Variants in ZNF219 observed in about 807,000 individuals in gnomAD.
ZNF219 encodes zinc finger protein 219.
Under a neutral mutation model 54.4 loss-of-function variants are expected in ZNF219, and 17 were observed. The ratio of observed to expected loss-of-function variants is 0.31; its 90% CI spans 0.21 to 0.47. ZNF219 has a LOEUF of 0.47. ZNF219 is among the 20% of genes least tolerant of loss of function. ZNF219 has a pLI of 1.00. For synonymous variants in ZNF219, 518 were observed against 476.4 expected, an observed-to-expected ratio of 1.09 and a Z score of -1.14; for missense variants, 1,014 against 1,062.3, an observed-to-expected ratio of 0.95 and a Z score of 0.63.
At chr14:21,099,628 T>G (rs1215250765), upstream of ZNF219, among the ~76,000 whole-genome samples, 1 of 152,218 alleles carries the variant, frequency 6.6e-6, no homozygotes, top group Non-Finnish European at 1.5e-5. Context: ...TGGCGCAGTC[T>G]CCTCTTATCG....
rs1398398420 is a variant in ZNF219, at chr14:21,090,986, G to A, written c.1719C>T (p.Ala573=). ...GAGACGGCTTGGCTCCAGATTGCGG[G>A]GCCGAACCCCGCTGGGAAGGAGGCG... is the stretch of plus-strand genomic sequence containing the variant. ...EPPPPSQRGS[A]PQSGAKPSPQ... The change falls in exon 5 of 5, where the codon GCC becomes GCT. Residue 573 remains alanine, a synonymous_variant. Transcript: ENST00000360947. The surrounding 1 kb of genome is among the most constrained non-coding windows in gnomAD (Gnocchi z 4.4). 4 of 1,549,816 alleles carry A rather than the reference G, an allele frequency of 2.6e-6. No homozygotes were observed. Among genetic ancestry groups the A allele is most frequent in the Non-Finnish European group, 3.5e-6 (4 of 1,154,554 alleles).
In ZNF219 at chr14:21,098,352, GCGGCGGCGGCGGGCGGCGGGC is replaced by G; in HGVS notation, c.-145_-125del. On this transcript the variant is annotated 5_prime_UTR_variant, in exon 1 of 5. Coordinates refer to ENST00000360947, the MANE Select transcript of ZNF219 (RefSeq NM_016423.3). ...GGCGGCGGAGCGGGCGGCGGCGGCG[GCGGCGGCGGCGGGCGGCGGGC>G]CGGCGGCGCGGGCGTCAGCGTTACG... The G allele has an allele frequency of 3.0e-6, 1 of 338,296 alleles. No individual in the cohort carries two copies. Among genetic ancestry groups the G allele is most frequent in the Non-Finnish European group, 4.1e-6 (1 of 242,532 alleles). 21.0% of individuals were successfully genotyped at this position (338,296 alleles called of 1,614,324 possible).
upstream of ZNF219, chr14:21,103,771 GC>G (rs1889801661): frequency 1.3e-5 from 2 of 155,230 alleles, no homozygotes; most frequent in Admixed American, 1.3e-4. Context: ...GGAAGTCGGG[GC>G]CTAGCCTGGC....
rs777561916 is a variant in ZNF219, at chr14:21,093,270, C to T, written c.27G>A (p.Pro9=). ...GCGGCGACGGCGCTAAGTGGCCGCT[C>T]GGGGCGCGGGGACGTGAGCCCTGTG... The part of the protein sequence containing the change: MEGSRPRA[P]SGHLAPSPPA... Residue 9 remains proline (P), a synonymous_variant, in exon 3 of 5, where the codon CCG becomes CCA. Transcript: ENST00000360947. 5.0e-6 allele frequency: 8 copies of T among 1,588,720 alleles called. No homozygotes were observed. The highest frequency in any genetic ancestry group is 3.5e-5 in the Admixed American group (2 of 57,624).
chr14:21,093,446 G>C (rs1182370754), intron 2 of ZNF219, 140 bp downstream of exon 2: 2 of 1,417,548 alleles, frequency 1.4e-6, no homozygotes, highest in Non-Finnish European at 1.9e-6. Flanking sequence ...AGATGGGGTG[G>C]GGGGAGGTGT....
At position 21,090,357 on chromosome 14, in the gene ZNF219, G is replaced by C. The variant is rs950387456; in HGVS notation, c.*179C>G. 8 of 810,460 alleles carry C rather than the reference G, an allele frequency of 9.9e-6. No individual in the cohort carries two copies. The Admixed American group carries it at 1.8e-4, about 18-fold the overall frequency. The allele number at this position is 810,460 out of a possible 1,614,324, so 50.2% of individuals were successfully genotyped here. A position where few individuals can be genotyped will look rare whatever the true frequency, so the allele number is the denominator to read the frequency against. On this transcript the variant is annotated 3_prime_UTR_variant, in exon 5 of 5. Coordinates refer to ENST00000360947, the MANE Select transcript of ZNF219 (RefSeq NM_016423.3). This position sits in a 1 kb window ranked among gnomAD's most constrained non-coding sequence, Gnocchi z 4.4. Reference sequence around the variant, plus strand: ...CTTCTAAGGCACTGTGACTCCCTTGGGCTGGGTGGGTACCGCCAGCCCACC... The same window carrying C: ...CTTCTAAGGCACTGTGACTCCCTTGCGCTGGGTGGGTACCGCCAGCCCACC...
chr14:21,093,281 G>A lies in ZNF219; in HGVS notation c.16C>T (p.Pro6Ser), dbSNP rs1012734158. The A allele has an allele frequency of 6.3e-7, 1 of 1,582,960 alleles. No individual in the cohort carries two copies. Among genetic ancestry groups the A allele is most frequent in the Non-Finnish European group, 8.5e-7 (1 of 1,172,244 alleles). Reference sequence around the variant, plus strand: ...GCTAAGTGGCCGCTCGGGGCGCGGGGACGTGAGCCCTGTGGAGAAAGATCT... The same window carrying A: ...GCTAAGTGGCCGCTCGGGGCGCGGGAACGTGAGCCCTGTGGAGAAAGATCT... MEGSRPRAPSGHLAPS... is the reference protein window; with the variant it reads MEGSRSRAPSGHLAPS... The change falls in exon 3 of 5, where the codon CCC (proline) becomes TCC (serine). Residue 6 changes from proline (P) to serine (S), a missense_variant. Physicochemically the swap from Pro to Ser is moderately conservative, Grantham distance 74 (BLOSUM62 -1). This residue lies in a region of ZNF219 where 395 missense variants were observed against 415.1 expected (regional missense o/e 0.95). Coordinates refer to ENST00000360947, the MANE Select transcript of ZNF219 (RefSeq NM_016423.3).
Position 21,092,619 on chromosome 14 carries a change from A to G in ZNF219, c.678T>C (p.Pro226=). ...ERPLAATSAA[P]PPQPQPQPPP... is the part of the protein sequence containing the mutation. ...GAGGCTGAGGCTGAGGCTGAGGCGG[A>G]GGCGCAGCGGAGGTGGCCGCCAGGG... The change falls in exon 3 of 5, where the codon CCT becomes CCC. Residue 226 remains proline (P), a synonymous_variant. Transcript: ENST00000360947. The G allele has an allele frequency of 6.4e-7, 1 of 1,554,282 alleles. No individual in the cohort carries two copies.
At chr14:21,098,063 GC>G (rs1208569399) in intron 1 of ZNF219, among the ~76,000 whole-genome samples, 13 of 147,684 alleles carry the variant, frequency 8.8e-5, no homozygotes, top group South Asian at 4.3e-4. Flanking sequence ...CTTCCACCTG[GC>G]CCCCCCTCCC....
chr14:21,091,024 G>A lies in ZNF219; in HGVS notation c.1681C>T (p.Pro561Ser), dbSNP rs1248652933. 1.3e-6 allele frequency: 2 copies of A among 1,553,776 alleles called. No homozygotes were observed. Among genetic ancestry groups the A allele is most frequent in the Non-Finnish European group, 1.7e-6 (2 of 1,156,230 alleles). The change falls in exon 5 of 5, where the codon CCC (proline) becomes TCC (serine). Residue 561 changes from proline (P) to serine (S), a missense_variant. Pro to Ser is a moderately conservative substitution (Grantham distance 74). Transcript: ENST00000360947. The stretch of plus-strand genomic sequence containing the variant: ...TGGGAAGGAGGCGGTGGCTCCGGGG[G>A]TGGCCCGGGGCCGGCCCCGCTCCTC... Reference protein sequence around the residue: ...EQRSGAGPGPPPEPPPPSQRG... With the variant: ...EQRSGAGPGPSPEPPPPSQRG...
upstream of ZNF219, chr14:21,098,938 G>A: frequency 2.0e-6 from 2 of 1,018,992 alleles, no homozygotes; most frequent in Non-Finnish European, 2.6e-6. Flanking sequence ...AGGAGGAGGG[G>A]CGATTATAGA....
upstream of ZNF219, chr14:21,103,349 C>T: frequency 6.8e-7 from 1 of 1,469,672 alleles, no homozygotes; most frequent in East Asian, 2.5e-5. Flanking sequence ...TCCGGGAGTG[C>T]CTTCAGTTTT....
At position 21,092,542 on chromosome 14, in the gene ZNF219, G is replaced by A; in HGVS notation, c.755C>T (p.Pro252Leu). The change falls in exon 3 of 5, where the codon CCC (proline) becomes CTC (leucine). Residue 252 changes from proline (P) to leucine (L), a missense_variant. Physicochemically the swap from Pro to Leu is moderately conservative, Grantham distance 98. Around this residue, in one of 5 missense-constraint regions of ZNF219, gnomAD observed 395 missense variants for 415.1 expected, o/e 0.95. Coordinates refer to ENST00000360947, the MANE Select transcript of ZNF219 (RefSeq NM_016423.3). ...SVPQPEPEPE[P>L]EREATPTPAP... ...TGGGGTCGGGGTTGCCTCACGTTCGGGCTCCGGCTCCGGCTCCGGCTGGGG... is the reference window on the plus strand; with the variant it reads ...TGGGGTCGGGGTTGCCTCACGTTCGAGCTCCGGCTCCGGCTCCGGCTGGGG... 6.5e-7 allele frequency: 1 copy of A among 1,545,616 alleles called. No individual in the cohort carries two copies. Among genetic ancestry groups the A allele is most frequent in the Non-Finnish European group, 8.7e-7 (1 of 1,144,890 alleles).
chr14:21,102,861 G>A (rs1029872481), upstream of ZNF219: 6 of 1,495,330 alleles, frequency 4.0e-6, no homozygotes, highest in East Asian at 1.5e-4. Flanking sequence ...GGCACTTAAG[G>A]GAAAATAATG....
upstream of ZNF219, chr14:21,098,827 T>C: frequency 7.8e-7 from 1 of 1,288,266 alleles, no homozygotes; most frequent in African/African-American, 1.5e-5. Flanking sequence ...AGGAGTTGGC[T>C]CTGCCGCTCT....
upstream of ZNF219, chr14:21,101,084 C>A: frequency 2.9e-6 from 1 of 346,964 alleles, no homozygotes; most frequent in South Asian, 3.0e-5. Context: ...CAGCCTTCCT[C>A]TGCCAGGACA....
In ZNF219 at chr14:21,092,025, C is replaced by T. The variant is rs1365819319; in HGVS notation, c.1272G>A (p.Glu424=). 5.8e-6 allele frequency: 9 copies of T among 1,551,740 alleles called. No homozygotes were observed. Among genetic ancestry groups the T allele is most frequent in the Non-Finnish European group, 7.8e-6 (9 of 1,148,086 alleles). The change falls in exon 3 of 5, where the codon GAG becomes GAA. Residue 424 remains glutamate, a synonymous_variant. Coordinates refer to ENST00000360947, the MANE Select transcript of ZNF219 (RefSeq NM_016423.3). ...CCACCTCCTCTTCTTCCTCAGGCTC[C>T]TCCGCACGGTGCCGGCGAGCCCGGG... ...LPARARRHRA[E]EPEEEEEVVE...
upstream of ZNF219, chr14:21,103,552 C>A: frequency 2.8e-6 from 1 of 359,942 alleles, no homozygotes; most frequent in Non-Finnish European, 5.1e-6. Flanking sequence ...TTTCATAATC[C>A]CATCCACTCC....
chr14:21,090,484 TCCCCCGCTCCGGCGGGG>T lies in ZNF219; in HGVS notation c.*35_*51del. The T allele has an allele frequency of 6.5e-7, 1 of 1,532,406 alleles. No homozygotes were observed. Among genetic ancestry groups the T allele is most frequent in the Non-Finnish European group, 8.8e-7 (1 of 1,137,540 alleles). The allele number at this position is 1,532,406 out of a possible 1,614,324, so 94.9% of individuals were successfully genotyped here. On this transcript the variant is annotated 3_prime_UTR_variant, in exon 5 of 5. Transcript: ENST00000360947. The surrounding 1 kb of genome is among the most constrained non-coding windows in gnomAD (Gnocchi z 4.4). The stretch of plus-strand genomic sequence containing the variant: ...TTCTCTACCCAACTACCTCTAGCGC[TCCCCCGCTCCGGCGGGG>T]TAAGCTCACTAAGCTAATCGCCCCT...
Sources: gnomAD v4.1 joint callset for allele counts (sites outside exome capture counted in the v4.1 genomes callset) on GRCh38, gnomAD v4.1.1 for gene constraint, gnomAD v4.1.1 regional missense constraint, Gnocchi (gnomAD v3.1) non-coding constraint, MANE v1.5 for transcripts, NCBI Gene and HGNC (gene_info 2026-07-23, HGNC 2026-07-21) for gene names.